Variants in IQGAP1 observed in about 807,000 individuals in gnomAD.
The protein encoded by IQGAP1 is IQ motif containing GTPase activating protein 1.
Under a neutral mutation model 215.6 loss-of-function variants are expected in IQGAP1, and 66 were observed. That is an observed-to-expected ratio of 0.31 (90% CI 0.25 to 0.38). The LOEUF is 0.38. Among genes scored for constraint, IQGAP1 ranks in the 10% least tolerant of loss-of-function variants. The pLI is 1.00. For synonymous variants in IQGAP1, 772 were observed against 728.7 expected (o/e 1.06, Z -0.96); for missense variants, 1,712 against 1,997.1 (o/e 0.86, Z 2.72).
At chr15:90,438,344 G>A (rs891853222) in intron 5 of IQGAP1, among the ~76,000 whole-genome samples, 4 of 151,996 alleles carry the variant, frequency 2.6e-5, no homozygotes, top group African/African-American at 7.3e-5. Flanking sequence ...TAATTTATCC[G>A]TCCATCCATC....
intron 15 of IQGAP1, among the ~76,000 whole-genome samples, 196 bp from the exon 16 acceptor site, chr15:90,465,805 C>T (rs1359223308): frequency 6.6e-6 from 1 of 152,210 alleles, no homozygotes; most frequent in Non-Finnish European, 1.5e-5. Context: ...TGTTGGATTA[C>T]AGGTGTGAGT....
At chr15:90,419,129 G>A (rs1965095938) in intron 2 of IQGAP1, among the ~76,000 whole-genome samples, 1 of 134,626 alleles carries the variant, frequency 7.4e-6, no homozygotes. Flanking sequence ...CATAGACTCT[G>A]TCTCAAAAAA....
Position 90,482,088 on chromosome 15 carries a change from T to C in IQGAP1, c.3458T>C (p.Val1153Ala), listed in dbSNP as rs1454004972. 5 of 1,614,118 alleles carry C rather than the reference T, an allele frequency of 3.1e-6. No homozygotes were observed. The Admixed American group carries it at 8.3e-5, about 27-fold the overall frequency. The change falls in exon 27 of 38, where the codon GTG (valine) becomes GCG (alanine). Residue 1153 changes from valine to alanine, a missense_variant. Val to Ala is a moderately conservative substitution (Grantham distance 64). Coordinates refer to ENST00000268182, the MANE Select transcript of IQGAP1 (RefSeq NM_003870.4). ...TTTCTCTCAGCCATTGTCAGCTCTG[T>C]GGACAAAATCCCGTGAGTGCCATCA... ...DKFLSAIVSS[V>A]DKIPYGMRFI...
At position 90,396,881 on chromosome 15, in the gene IQGAP1, C is replaced by G. The variant is rs1486129776; in HGVS notation, c.155+6008C>G. Among the ~76,000 whole-genome samples the G allele has an allele frequency of 2.0e-5, 3 of 150,938 alleles. No homozygotes were observed. The East Asian group carries it at 5.8e-4, about 29-fold the overall frequency. On this transcript the variant is annotated intron_variant, in intron 2 of 37. Transcript: ENST00000268182. ...TTTTTTTTTTTTTTGGAGACGGAGT[C>G]TCGCTCTGTTGCCCAGGCTGGAGTG...
chr15:90,485,756 C>T (rs112163205), intron 30 of IQGAP1, among the ~76,000 whole-genome samples: 3 of 152,192 alleles, frequency 2.0e-5, no homozygotes, highest in African/African-American at 7.2e-5. Flanking sequence ...CTTTCTCAAA[C>T]AGGGCACATT....
At chr15:90,437,947 T>C (rs148885842) in intron 5 of IQGAP1, among the ~76,000 whole-genome samples, 202 of 152,368 alleles carry the variant, frequency 1.3e-3, no homozygotes, top group Non-Finnish European at 2.3e-3. Flanking sequence ...ACATGACTTA[T>C]ACTTGCACTT....
intron 19 of IQGAP1, 191 bp from the exon 20 acceptor site, chr15:90,473,524 A>G: frequency 1.7e-6 from 1 of 575,018 alleles, no homozygotes; most frequent in East Asian, 3.0e-5. Flanking sequence ...GGGGAAGTAG[A>G]ATGTAGCCAT....
At chr15:90,392,917 G>A (rs1361253324) in intron 2 of IQGAP1, among the ~76,000 whole-genome samples, 1 of 151,740 alleles carries the variant, frequency 6.6e-6, no homozygotes. Context: ...GCTAATTTTT[G>A]TATCTTTAGT....
intron 15 of IQGAP1, among the ~76,000 whole-genome samples, chr15:90,456,956 C>T (rs1596275926): frequency 1.5e-5 from 2 of 131,678 alleles, no homozygotes; most frequent in South Asian, 2.5e-4. Context: ...ATATAATATA[C>T]GTATATATAC....
At chr15:90,490,968 C>A (rs1034113483) in intron 33 of IQGAP1, among the ~76,000 whole-genome samples, 1 of 152,150 alleles carries the variant, frequency 6.6e-6, no homozygotes, top group African/African-American at 2.4e-5. Flanking sequence ...GCCCCATGCT[C>A]GGCTAATTTT....
At chr15:90,440,673 T>A in intron 7 of IQGAP1, 58 bp downstream of exon 7, 2 of 1,082,216 alleles carry the variant, frequency 1.8e-6, no homozygotes, top group Non-Finnish European at 2.8e-6. Flanking sequence ...TTTCCAATAA[T>A]TAATTCTATA....
Position 90,491,349 on chromosome 15 carries a change from G to C in IQGAP1, c.4265G>C (p.Arg1422Thr), listed in dbSNP as rs770232143. Residue 1422 changes from arginine to threonine, a missense_variant, in exon 34 of 38, where the codon AGA becomes ACA. This residue lies in a region of IQGAP1 where 691 missense variants were observed against 923.0 expected (regional missense o/e 0.75). Transcript: ENST00000268182. Reference sequence around the variant, plus strand: ...CATCCGTAGGAAGCAGAACATCAGAGAGCCATGCAGAGACGTGCTATCCGT... The same window carrying C: ...CATCCGTAGGAAGCAGAACATCAGACAGCCATGCAGAGACGTGCTATCCGT... ...ATSEQEAEHQ[R>T]AMQRRAIRDA... The C allele has an allele frequency of 1.2e-6, 2 of 1,613,992 alleles. No homozygotes were observed. The highest frequency in any genetic ancestry group is 1.7e-6 in the Non-Finnish European group (2 of 1,179,956).
At chr15:90,425,005 A>C (rs1182632539) in intron 2 of IQGAP1, among the ~76,000 whole-genome samples, 1 of 152,014 alleles carries the variant, frequency 6.6e-6, no homozygotes, top group Non-Finnish European at 1.5e-5. Flanking sequence ...TCTGTGGCTC[A>C]GTGGTTGAAA....
intron 30 of IQGAP1, among the ~76,000 whole-genome samples, chr15:90,485,513 C>T (rs1966114601): frequency 6.6e-6 from 1 of 152,074 alleles, no homozygotes; most frequent in Admixed American, 6.6e-5. Context: ...AATCTTGGCT[C>T]ACTGCAACCT....
chr15:90,499,215 C>A (rs915889169), intron 37 of IQGAP1, among the ~76,000 whole-genome samples: 1 of 152,174 alleles, frequency 6.6e-6, no homozygotes, highest in Admixed American at 6.5e-5. Context: ...TTGTTCAGGA[C>A]AATGGTGAAA....
chr15:90,445,800 G>T (rs1263754664), intron 9 of IQGAP1, among the ~76,000 whole-genome samples: 2 of 151,062 alleles, frequency 1.3e-5, no homozygotes, highest in Non-Finnish European at 2.9e-5. Context: ...TTTACCAATT[G>T]CATAGGATTG....
Position 90,443,383 on chromosome 15 carries a change from C to T in IQGAP1, c.829-11C>T. The T allele has an allele frequency of 6.3e-7, 1 of 1,595,478 alleles. No homozygotes were observed. The highest frequency in any genetic ancestry group is 8.6e-7 in the Non-Finnish European group (1 of 1,164,030). ...TAAGCTAACTTAATTACGCTTTTTA[C>T]TCATCCTCAGACAGAAAACTCAGAG... On this transcript the variant is annotated splice_polypyrimidine_tract_variant and intron_variant, in intron 8 of 37. Transcript: ENST00000268182.
At chr15:90,405,922 A>G (rs1270629392) in intron 2 of IQGAP1, among the ~76,000 whole-genome samples, 12 of 151,934 alleles carry the variant, frequency 7.9e-5, no homozygotes, top group Admixed American at 1.3e-4. Context: ...TTTGTGTTTT[A>G]TGATAGTTAG....
intron 17 of IQGAP1, 104 bp downstream of exon 17, chr15:90,466,540 A>G (rs1004015858): frequency 7.5e-6 from 8 of 1,069,434 alleles, no homozygotes; most frequent in South Asian, 1.4e-5. Context: ...ACCTTTTAGC[A>G]TAGATGTACA....
Sources: gnomAD v4.1 joint callset for allele counts (sites outside exome capture counted in the v4.1 genomes callset) on GRCh38, gnomAD v4.1.1 for gene constraint, gnomAD v4.1.1 regional missense constraint, MANE v1.5 for transcripts, NCBI Gene and HGNC (gene_info 2026-07-23, HGNC 2026-07-21) for gene names.